Variants in BAIAP2L1 observed in about 807,000 individuals in gnomAD.
BAIAP2L1 encodes the protein BAR/IMD domain-containing adapter protein 2-like 1.
A neutral mutation model predicts 66.3 loss-of-function variants in BAIAP2L1; 35 were observed. The ratio of observed to expected loss-of-function variants is 0.53; its 90% CI spans 0.40 to 0.70. The LOEUF is 0.70. BAIAP2L1 is among the 30% of genes least tolerant of loss of function. The pLI is 0.00. For missense variants in BAIAP2L1, 622 were observed against 656.9 expected, an observed-to-expected ratio of 0.95 and a Z score of 0.58; for synonymous variants, 269 against 248.7, an observed-to-expected ratio of 1.08 and a Z score of -0.77.
Position 98,311,770 on chromosome 7 carries a change from G to A in BAIAP2L1, c.807+327C>T, listed in dbSNP as rs1800881139. On this transcript the variant is annotated intron_variant, in intron 8 of 13. Transcript: ENST00000005260. ...ATAATACAAAAATTAGCCAGGCATG[G>A]TGGTGCGCCCCAGTAATCCCAGCTA... 3.9e-5 allele frequency among the ~76,000 whole-genome samples: 6 copies of A among 152,170 alleles called. No individual in the cohort carries two copies. In the South Asian group the frequency reaches 1.2e-3, roughly 32 times the overall value.
At chr7:98,393,978 G>A (rs555978924) in intron 1 of BAIAP2L1, among the ~76,000 whole-genome samples, 8 of 151,920 alleles carry the variant, frequency 5.3e-5, no homozygotes, top group East Asian at 3.9e-4. Context: ...GGTGGCTCAC[G>A]CCTGTAATCC....
chr7:98,359,021 G>A (rs1802204306), intron 2 of BAIAP2L1, among the ~76,000 whole-genome samples: 1 of 152,172 alleles, frequency 6.6e-6, no homozygotes, highest in African/African-American at 2.4e-5. Flanking sequence ...TACTGAGTGA[G>A]GACAGAGTCT....
chr7:98,319,565 G>C (rs1244681790), intron 5 of BAIAP2L1, among the ~76,000 whole-genome samples: 1 of 57,420 alleles, frequency 1.7e-5, no homozygotes, highest in African/African-American at 5.7e-5. Flanking sequence ...TTTTTTTTTT[G>C]AGATGGAGTC....
chr7:98,324,572 G>C (rs554984902), intron 3 of BAIAP2L1, among the ~76,000 whole-genome samples: 26 of 152,322 alleles, frequency 1.7e-4, no homozygotes, highest in African/African-American at 6.3e-4. Context: ...TGGAAACACA[G>C]GGCCAGGTGT....
chr7:98,319,081 G>C (rs1170268134), intron 5 of BAIAP2L1, among the ~76,000 whole-genome samples: 1 of 152,164 alleles, frequency 6.6e-6, no homozygotes, highest in Non-Finnish European at 1.5e-5. Context: ...TGCCGGGAGG[G>C]TGCAGCCAGG....
chr7:98,332,822 A>AAAAG (rs1801530545), intron 3 of BAIAP2L1, among the ~76,000 whole-genome samples: 1 of 151,084 alleles, frequency 6.6e-6, no homozygotes, highest in Non-Finnish European at 1.5e-5. Flanking sequence ...AAAAAAAAAA[A>AAAAG]AAAAAAAAAG....
chr7:98,354,688 G>A (rs931656130), intron 3 of BAIAP2L1, among the ~76,000 whole-genome samples: 2 of 152,186 alleles, frequency 1.3e-5, no homozygotes, highest in African/African-American at 4.8e-5. Flanking sequence ...TACTAGGTGA[G>A]TCACAGGAAA....
chr7:98,331,622 C>T (rs1170087240), intron 3 of BAIAP2L1, among the ~76,000 whole-genome samples: 2 of 151,968 alleles, frequency 1.3e-5, no homozygotes, highest in East Asian at 3.9e-4. Flanking sequence ...GCATGCACCA[C>T]CACACCCAGC....
chr7:98,383,658 TTGTG>T (rs1335685864), intron 1 of BAIAP2L1, among the ~76,000 whole-genome samples: 3 of 152,180 alleles, frequency 2.0e-5, no homozygotes, highest in African/African-American at 7.2e-5. Context: ...GATCTCCTCT[TTGTG>T]TAAGTTTGTG....
At position 98,317,351 on chromosome 7, in the gene BAIAP2L1, A is replaced by C; in HGVS notation, c.354T>G (p.Thr118=). 1 of 1,613,700 alleles carries C rather than the reference A, an allele frequency of 6.2e-7. No individual in the cohort carries two copies. The change falls in exon 6 of 14, where the codon ACT becomes ACG. Residue 118 remains threonine (T), a synonymous_variant. Transcript: ENST00000005260. ...IELDVKYMNA[T]LKRYQTEHKN... is the part of the protein sequence containing the mutation. ...TGTGTTCTGTTTGGTATCTTTTTAG[A>C]GTTGCCTGTAAGTTAAATGGCTGTG...
intron 1 of BAIAP2L1, among the ~76,000 whole-genome samples, chr7:98,369,552 C>T (rs1471224873): frequency 6.6e-6 from 1 of 151,946 alleles, no homozygotes; most frequent in Non-Finnish European, 1.5e-5. Flanking sequence ...GACAGAGAGC[C>T]GACCCTGCCC....
intron 8 of BAIAP2L1, among the ~76,000 whole-genome samples, chr7:98,311,046 G>A (rs1453420704): frequency 4.0e-5 from 6 of 151,712 alleles, no homozygotes; most frequent in African/African-American, 1.2e-4. Context: ...AGTACCTGCT[G>A]CATCCCAATC....
At chr7:98,380,741 T>G (rs1413056370) in intron 1 of BAIAP2L1, among the ~76,000 whole-genome samples, 4 of 147,664 alleles carry the variant, frequency 2.7e-5, no homozygotes, top group East Asian at 1.9e-4. Flanking sequence ...GGTCCGTTTT[T>G]TTTTTTTTTT....
At chr7:98,370,813 T>C (rs1185076951) in intron 1 of BAIAP2L1, among the ~76,000 whole-genome samples, 1 of 152,170 alleles carries the variant, frequency 6.6e-6, no homozygotes, top group African/African-American at 2.4e-5. Context: ...TTTTGGTCTT[T>C]CTAACAGTGG....
intron 5 of BAIAP2L1, 55 bp from the exon 6 acceptor site, chr7:98,317,411 C>T: frequency 6.2e-7 from 1 of 1,600,184 alleles, no homozygotes; most frequent in Non-Finnish European, 8.5e-7. Flanking sequence ...AATTGTCACA[C>T]AGTTTGCCTT....
At chr7:98,391,070 T>C (rs1400600280) in intron 1 of BAIAP2L1, among the ~76,000 whole-genome samples, 9 of 151,222 alleles carry the variant, frequency 6.0e-5, no homozygotes, top group Non-Finnish European at 1.0e-4. Context: ...TCTCGATCTC[T>C]TGACCTCATG....
chr7:98,338,585 T>C (rs1163288019), intron 3 of BAIAP2L1, among the ~76,000 whole-genome samples: 2 of 152,208 alleles, frequency 1.3e-5, no homozygotes, highest in South Asian at 2.1e-4. Context: ...ATACAATAAA[T>C]AGCCTTTTTA....
At chr7:98,302,788 A>G (rs1369606847) in intron 12 of BAIAP2L1, among the ~76,000 whole-genome samples, 1 of 152,052 alleles carries the variant, frequency 6.6e-6, no homozygotes. Flanking sequence ...TACACTGTAA[A>G]CCATTTTTCT....
intron 1 of BAIAP2L1, among the ~76,000 whole-genome samples, chr7:98,393,965 C>T (rs1803135448): frequency 6.8e-6 from 1 of 146,774 alleles, no homozygotes; most frequent in Non-Finnish European, 1.5e-5. Context: ...TTAGGCCAGG[C>T]GCGGTGGCTC....
Sources: gnomAD v4.1 joint callset for allele counts (sites outside exome capture counted in the v4.1 genomes callset) on GRCh38, gnomAD v4.1.1 for gene constraint, MANE v1.5 for transcripts, NCBI Gene and HGNC (gene_info 2026-07-23, HGNC 2026-07-21) for gene names.